ESR1: variants seen among roughly 807,000 people sequenced by gnomAD.
ESR1 encodes the protein estrogen receptor.
In ESR1, 12 loss-of-function variants were observed where a neutral mutation model predicts 52.7. That is an observed-to-expected ratio of 0.23 (90% CI 0.15 to 0.37). The LOEUF (loss-of-function observed/expected upper bound fraction) is 0.37, where lower values mean the gene tolerates loss of function less well. ESR1 is among the 10% of genes least tolerant of loss of function. ESR1 has a pLI of 1.00. For synonymous variants in ESR1, 305 were observed against 316.8 expected (o/e 0.96, Z 0.39); for missense variants, 584 against 779.7 (o/e 0.75, Z 2.99).
chr6:151,924,600 C>T (rs1469160483), intron 3 of ESR1, among the ~76,000 whole-genome samples: 2 of 152,046 alleles, frequency 1.3e-5, no homozygotes, highest in Non-Finnish European at 2.9e-5. Context: ...TCTGTTCCCT[C>T]ACGTAGGCCC....
chr6:152,025,424 T>C (rs974980820), intron 5 of ESR1, among the ~76,000 whole-genome samples: 1 of 151,944 alleles, frequency 6.6e-6, no homozygotes, highest in Admixed American at 6.6e-5. Flanking sequence ...TCTGTAGTAA[T>C]TGGTCTCCTT....
chr6:151,876,569 C>A (rs1353429753), intron 2 of ESR1, among the ~76,000 whole-genome samples: 1 of 152,078 alleles, frequency 6.6e-6, no homozygotes, highest in African/African-American at 2.4e-5. Flanking sequence ...CAAAGCCAAA[C>A]CAGCTGCTAC....
chr6:151,960,743 A>G (rs1227829776), intron 4 of ESR1, among the ~76,000 whole-genome samples: 1 of 152,192 alleles, frequency 6.6e-6, no homozygotes, highest in Non-Finnish European at 1.5e-5. Context: ...TTGAGAAGAC[A>G]TCCAAAGGGG....
rs143817560 is a variant in ESR1 at position 151,911,936 on chromosome 6, G to T, written c.760+31165G>T. Reference sequence around the variant, plus strand: ...ATTGTTGCACATTAATCTACTGCACGGTCCGGTAGGTAGCCACTAGCCACA... The same window carrying T: ...ATTGTTGCACATTAATCTACTGCACTGTCCGGTAGGTAGCCACTAGCCACA... On this transcript the variant is annotated intron_variant, in intron 3 of 7. Transcript: ENST00000206249. Among the ~76,000 whole-genome samples the T allele has an allele frequency of 5.8e-4, 89 of 152,244 alleles. No homozygotes were observed. The East Asian group carries it at 0.016, about 28-fold the overall frequency.
chr6:152,077,730 G>A (rs567035076), intron 6 of ESR1, among the ~76,000 whole-genome samples: 5 of 152,296 alleles, frequency 3.3e-5, no homozygotes, highest in African/African-American at 1.2e-4. Context: ...GAATTTGACT[G>A]CCCTGGTGGA....
intron 2 of ESR1, among the ~76,000 whole-genome samples, chr6:151,867,357 A>T (rs527809192): frequency 7.5e-4 from 114 of 152,098 alleles, no homozygotes; most frequent in African/African-American, 2.5e-3. Context: ...AATTTTTGCA[A>T]TCTATCCATC....
At chr6:151,864,931 C>T (rs149610564) in intron 2 of ESR1, among the ~76,000 whole-genome samples, 4,146 of 112,842 alleles carry the variant, frequency 0.037, 76 homozygotes, top group African/African-American at 0.098. Flanking sequence ...CACACTGGGG[C>T]CTGTTGTGGG....
At chr6:151,750,963 CA>C (rs1472177778) in intron 2 of ESR1, among the ~76,000 whole-genome samples, 1 of 152,202 alleles carries the variant, frequency 6.6e-6, no homozygotes, top group African/African-American at 2.4e-5. Context: ...ATGCAAAATG[CA>C]GCAAAAGCAG....
chr6:151,688,573 A>G (rs1243512647), upstream of ESR1, among the ~76,000 whole-genome samples: 2 of 152,140 alleles, frequency 1.3e-5, no homozygotes, highest in Non-Finnish European at 2.9e-5. Flanking sequence ...TGAGGATTCA[A>G]TCAACCTCTG....
At chr6:151,808,385 C>A in intron 1 of ESR1, 21 bp downstream of exon 1, 2 of 977,806 alleles carry the variant, frequency 2.0e-6, no homozygotes, top group Non-Finnish European at 2.6e-6. Context: ...CCGCGCCGCC[C>A]GTCGGGGTGG....
intron 6 of ESR1, among the ~76,000 whole-genome samples, chr6:152,083,728 T>C (rs907583315): frequency 1.3e-5 from 2 of 152,138 alleles, no homozygotes; most frequent in African/African-American, 4.8e-5. Context: ...CTAATATCTT[T>C]GTAGAATCTG....
At chr6:151,804,102 A>C (rs1469426579), upstream of ESR1, among the ~76,000 whole-genome samples, 3 of 151,912 alleles carry the variant, frequency 2.0e-5, no homozygotes. Context: ...GCCCGAGTGA[A>C]GTTTTTGCCA....
chr6:151,818,900 C>T (rs1780107530), intron 1 of ESR1, among the ~76,000 whole-genome samples: 1 of 151,974 alleles, frequency 6.6e-6, no homozygotes, highest in Non-Finnish European at 1.5e-5. Context: ...TCTGGTTCTT[C>T]CTCTGCATAA....
At position 152,094,389 on chromosome 6, in the gene ESR1, G is replaced by A. The variant is rs2050450456; in HGVS notation, c.1374G>A (p.Val458=). ...ACTCTCTCTCTGCGCATTCAGGAGTGTACACATTTCTGTCCAGCACCCTGA... is the reference window on the plus strand; with the variant it reads ...ACTCTCTCTCTGCGCATTCAGGAGTATACACATTTCTGTCCAGCACCCTGA... ...LKSIILLNSG[V]YTFLSSTLKS... Residue 458 remains valine, a synonymous_variant, in exon 7 of 8, where the codon GTG becomes GTA. Transcript: ENST00000206249. The surrounding 1 kb of genome is among the most constrained non-coding windows in gnomAD (Gnocchi z 4.6). The A allele has an allele frequency of 1.2e-6, 2 of 1,613,896 alleles. No homozygotes were observed. Among genetic ancestry groups the A allele is most frequent in the East Asian group, 2.2e-5 (1 of 44,880 alleles).
intron 6 of ESR1, among the ~76,000 whole-genome samples, chr6:152,064,876 C>T (rs2047843417): frequency 6.6e-6 from 1 of 152,154 alleles, no homozygotes; most frequent in Non-Finnish European, 1.5e-5. Context: ...GTATCATGCT[C>T]TTCAGTGCTC....
intron 1 of ESR1, among the ~76,000 whole-genome samples, chr6:151,819,227 C>A (rs1271137324): frequency 6.6e-6 from 1 of 152,172 alleles, no homozygotes; most frequent in Non-Finnish European, 1.5e-5. Context: ...CACCTTTTCC[C>A]GGTACCTTTA....
intron 1 of ESR1, among the ~76,000 whole-genome samples, chr6:151,831,788 G>T (rs1228981000): frequency 6.6e-6 from 1 of 152,210 alleles, no homozygotes; most frequent in Non-Finnish European, 1.5e-5. Context: ...AATAGTGCCT[G>T]CCACAACCAT....
upstream of ESR1, among the ~76,000 whole-genome samples, chr6:151,806,530 G>GTGTATATATATATATATATA (rs1554259015): frequency 3.1e-5 from 3 of 96,444 alleles, no homozygotes; most frequent in East Asian, 2.6e-4. Context: ...TCCTTAATAT[G>GTGTATATATATATATATATA]TATATATATA....
At chr6:151,670,198 C>T (rs1013941516) in intron 1 of ESR1, among the ~76,000 whole-genome samples, 38 of 152,210 alleles carry the variant, frequency 2.5e-4, no homozygotes, top group African/African-American at 8.7e-4. Flanking sequence ...GCTAGCCTAT[C>T]TTCCTGCAGA....
Sources: gnomAD v4.1 joint callset for allele counts (sites outside exome capture counted in the v4.1 genomes callset) on GRCh38, gnomAD v4.1.1 for gene constraint, Gnocchi (gnomAD v3.1) non-coding constraint, MANE v1.5 for transcripts, NCBI Gene and HGNC (gene_info 2026-07-23, HGNC 2026-07-21) for gene names.